Variants in PEX7 observed in about 807,000 individuals in gnomAD.
PEX7 encodes the protein PTS2 receptor.
A neutral mutation model predicts 47.5 loss-of-function variants in PEX7; 34 were observed. That is an observed-to-expected ratio of 0.72 (90% CI 0.54 to 0.95). The LOEUF is 0.95. Ranked by LOEUF, PEX7 falls within the 40% of genes least tolerant of loss-of-function variation. The pLI, the probability that PEX7 is intolerant of heterozygous loss-of-function variation, is 0.00. For synonymous variants in PEX7, 141 were observed against 148.8 expected, an observed-to-expected ratio of 0.95 and a Z score of 0.38; for missense variants, 394 against 400.3, an observed-to-expected ratio of 0.98 and a Z score of 0.13.
At chr6:136,828,146 T>A (rs961769298) in intron 3 of PEX7, among the ~76,000 whole-genome samples, 2 of 152,188 alleles carry the variant, frequency 1.3e-5, no homozygotes, top group Admixed American at 6.5e-5. Flanking sequence ...TCAAGTAAAG[T>A]CGTTGCTTCA....
chr6:136,837,551 G>A (rs763999748), intron 3 of PEX7, among the ~76,000 whole-genome samples: 23 of 152,072 alleles, frequency 1.5e-4, no homozygotes, highest in Non-Finnish European at 3.1e-4. Flanking sequence ...TGACAACTGA[G>A]TAGCAGTGAA....
chr6:136,897,920 G>A (rs1775679645), intron 8 of PEX7, among the ~76,000 whole-genome samples: 1 of 151,698 alleles, frequency 6.6e-6, no homozygotes, highest in African/African-American at 2.4e-5. Flanking sequence ...CTTTTATAGG[G>A]TAGATTGATG....
At chr6:136,879,791 A>T (rs1051259282) in intron 8 of PEX7, among the ~76,000 whole-genome samples, 1 of 151,872 alleles carries the variant, frequency 6.6e-6, no homozygotes, top group Non-Finnish European at 1.5e-5. Flanking sequence ...TTTCTGTCTG[A>T]TACTTTTTCC....
chr6:136,872,189 T>C lies in PEX7; in HGVS notation c.748-9T>C, dbSNP rs777611969. Reference sequence around the variant, plus strand: ...AAAAAGGGTTTTTTTTTTCTTTTTTTTTTTGTAGTTTTCACCATTTCATGC... The same window carrying C: ...AAAAAGGGTTTTTTTTTTCTTTTTTCTTTTGTAGTTTTCACCATTTCATGC... On this transcript the variant is annotated splice_polypyrimidine_tract_variant and intron_variant, in intron 7 of 9. Coordinates refer to ENST00000318471, the MANE Select transcript of PEX7 (RefSeq NM_000288.4). 3.1e-6 allele frequency: 5 copies of C among 1,607,254 alleles called. No homozygotes were observed. The African/African-American group carries it at 5.4e-5, about 17-fold the overall frequency.
At chr6:136,825,760 C>G (rs1282699734) in intron 2 of PEX7, among the ~76,000 whole-genome samples, 1 of 152,092 alleles carries the variant, frequency 6.6e-6, no homozygotes, top group Admixed American at 6.5e-5. Flanking sequence ...GTCTCAAACT[C>G]CTGACCTCAG....
chr6:136,895,691 G>C (rs1775636154), intron 8 of PEX7, among the ~76,000 whole-genome samples: 1 of 152,130 alleles, frequency 6.6e-6, no homozygotes, highest in African/African-American at 2.4e-5. Context: ...CATTCTGTTG[G>C]AAATGAACCT....
intron 9 of PEX7, among the ~76,000 whole-genome samples, chr6:136,910,050 A>G (rs1210398549): frequency 6.6e-6 from 1 of 152,212 alleles, no homozygotes; most frequent in East Asian, 1.9e-4. Flanking sequence ...CTGCAAGATT[A>G]GGCAAATAAT....
intron 1 of PEX7, 154 bp downstream of exon 1, chr6:136,822,949 C>T (rs1439971533): frequency 8.0e-5 from 79 of 985,312 alleles, no homozygotes; most frequent in Non-Finnish European, 9.4e-5. Context: ...GTCGGCGCTT[C>T]TCCTTTCTTT....
intron 9 of PEX7, among the ~76,000 whole-genome samples, chr6:136,907,607 A>T (rs996404048): frequency 6.6e-6 from 1 of 152,134 alleles, no homozygotes; most frequent in African/African-American, 2.4e-5. Flanking sequence ...GGCAAAAGCA[A>T]TTGTCCACGA....
intron 3 of PEX7, among the ~76,000 whole-genome samples, chr6:136,834,213 G>A (rs1434364965): frequency 2.0e-5 from 3 of 152,146 alleles, no homozygotes; most frequent in Non-Finnish European, 4.4e-5. Flanking sequence ...TTTATCTTGA[G>A]ATGGAGTCTC....
chr6:136,850,164 G>C (rs1301104024), intron 5 of PEX7, among the ~76,000 whole-genome samples: 1 of 151,940 alleles, frequency 6.6e-6, no homozygotes, highest in African/African-American at 2.4e-5. Context: ...TTTTATCAGA[G>C]ACTAGGATTG....
chr6:136,892,306 A>G lies in PEX7; in HGVS notation c.804-5836A>G, dbSNP rs144202095. On this transcript the variant is annotated intron_variant, in intron 8 of 9. Transcript: ENST00000318471. ...GGGATACCTGACTTGGTCCATGCCT[A>G]TTTGAACTTTCAGGGTGTTAATCAA... Among the ~76,000 whole-genome samples the G allele has an allele frequency of 2.0e-3, 308 of 152,284 alleles. 3 individuals are homozygous for G. The highest frequency in any genetic ancestry group is 6.7e-3 in the African/African-American group (279 of 41,560).
chr6:136,860,354 C>G (rs1774936263), intron 5 of PEX7, among the ~76,000 whole-genome samples: 1 of 150,370 alleles, frequency 6.7e-6, no homozygotes, highest in Non-Finnish European at 1.5e-5. Flanking sequence ...CAGCAGTCTT[C>G]ACATTTTTGT....
chr6:136,850,112 C>T (rs995769945), intron 5 of PEX7, among the ~76,000 whole-genome samples: 1 of 151,588 alleles, frequency 6.6e-6, no homozygotes, highest in African/African-American at 2.4e-5. Flanking sequence ...ATGTAATGGC[C>T]TTCTTTGTCT....
intron 9 of PEX7, among the ~76,000 whole-genome samples, chr6:136,899,080 C>CT (rs71547049): frequency 0.051 from 5,705 of 111,948 alleles, 333 homozygotes; most frequent in African/African-American, 0.094. Context: ...TTTTTCTTTT[C>CT]TTTTTTTTTT....
chr6:136,834,321 A>G (rs979866542), intron 3 of PEX7, among the ~76,000 whole-genome samples: 2 of 152,180 alleles, frequency 1.3e-5, no homozygotes, highest in African/African-American at 2.4e-5. Context: ...AGCTCGAGCA[A>G]TCCTCCTGCT....
chr6:136,832,742 A>G (rs927759539), intron 3 of PEX7, among the ~76,000 whole-genome samples: 1 of 152,188 alleles, frequency 6.6e-6, no homozygotes, highest in Admixed American at 6.5e-5. Context: ...CTCAAATTCA[A>G]GCTTCCACGG....
At chr6:136,843,443 G>A (rs972893067) in intron 3 of PEX7, among the ~76,000 whole-genome samples, 1 of 152,040 alleles carries the variant, frequency 6.6e-6, no homozygotes, top group African/African-American at 2.4e-5. Context: ...AAGTTTTTTT[G>A]GAATCAAGCC....
chr6:136,910,162 C>CAG (rs1336993010), intron 9 of PEX7, among the ~76,000 whole-genome samples: 1 of 152,170 alleles, frequency 6.6e-6, no homozygotes, highest in African/African-American at 2.4e-5. Flanking sequence ...AACATGAGGA[C>CAG]AGAGTTAACC....
Sources: gnomAD v4.1 joint callset for allele counts (sites outside exome capture counted in the v4.1 genomes callset) on GRCh38, gnomAD v4.1.1 for gene constraint, MANE v1.5 for transcripts, NCBI Gene and HGNC (gene_info 2026-07-23, HGNC 2026-07-21) for gene names.